ATP9A: variants seen among roughly 807,000 people sequenced by gnomAD.
The protein encoded by ATP9A is ATPase phospholipid transporting 9A.
ATP9A carries 52 observed loss-of-function variants against 144.1 expected under a neutral mutation model. The ratio of observed to expected loss-of-function variants is 0.36; its 90% CI spans 0.29 to 0.45. The LOEUF is 0.45. Among genes scored for constraint, ATP9A ranks in the 20% least tolerant of loss-of-function variants. The pLI is 1.00. For synonymous variants in ATP9A, 582 were observed against 557.4 expected (o/e 1.04, Z -0.62); for missense variants, 947 against 1,392.7 (o/e 0.68, Z 5.09).
At chr20:51,710,848 A>T (rs2077635288) in intron 4 of ATP9A, among the ~76,000 whole-genome samples, 1 of 152,118 alleles carries the variant, frequency 6.6e-6, no homozygotes, top group Admixed American at 6.6e-5. Context: ...TTCACGGGAA[A>T]AGCAATTGCA....
chr20:51,608,719 T>C (rs2077173498), intron 24 of ATP9A, 93 bp from the exon 25 acceptor site: 2 of 791,982 alleles, frequency 2.5e-6, no homozygotes, highest in Non-Finnish European at 4.4e-6. Flanking sequence ...CAACCATGCC[T>C]CTAACAAATA....
At chr20:51,687,802 T>A (rs188951772) in intron 9 of ATP9A, among the ~76,000 whole-genome samples, 1 of 150,884 alleles carries the variant, frequency 6.6e-6, no homozygotes, top group Admixed American at 6.6e-5. Flanking sequence ...AATGAATGAA[T>A]GAAAGAGAGA....
chr20:51,728,424 C>G (rs1390447076), intron 2 of ATP9A, among the ~76,000 whole-genome samples: 2 of 151,874 alleles, frequency 1.3e-5, no homozygotes, highest in Admixed American at 1.3e-4. Flanking sequence ...GTCAGGAGTT[C>G]GAGACCAGCC....
intron 6 of ATP9A, among the ~76,000 whole-genome samples, chr20:51,694,702 T>C (rs6123068): frequency 0.22 from 33,553 of 152,020 alleles, 4,335 homozygotes; most frequent in East Asian, 0.48. Context: ...TAGGTCATTA[T>C]GGGCTGGCAC....
intron 27 of ATP9A, among the ~76,000 whole-genome samples, chr20:51,603,873 C>T (rs57506499): frequency 9.9e-4 from 151 of 152,282 alleles, no homozygotes; most frequent in African/African-American, 3.5e-3. Context: ...CTTCGCCTCC[C>T]GGGTTCAGGC....
At chr20:51,692,422 G>A (rs1345177687) in intron 7 of ATP9A, among the ~76,000 whole-genome samples, 1 of 152,212 alleles carries the variant, frequency 6.6e-6, no homozygotes, top group Non-Finnish European at 1.5e-5. Flanking sequence ...TGTTAGAACA[G>A]TGAGTTTCTA....
chr20:51,754,700 T>G (rs2077848449), intron 1 of ATP9A, among the ~76,000 whole-genome samples: 1 of 150,552 alleles, frequency 6.6e-6, no homozygotes. Flanking sequence ...CCTGTAATAC[T>G]AGCTAGTAGG....
At chr20:51,741,912 C>T (rs947971810) in intron 1 of ATP9A, among the ~76,000 whole-genome samples, 2 of 152,338 alleles carry the variant, frequency 1.3e-5, no homozygotes, top group East Asian at 1.9e-4. Flanking sequence ...ACAACCTCCA[C>T]AACAGAGAAG....
chr20:51,738,531 CT>C (rs2077772029), intron 1 of ATP9A, among the ~76,000 whole-genome samples: 1 of 151,154 alleles, frequency 6.6e-6, no homozygotes, highest in Admixed American at 6.6e-5. Context: ...TGGTGAAACC[CT>C]GTCTCTACTA....
chr20:51,741,572 C>T (rs998020196), intron 1 of ATP9A, among the ~76,000 whole-genome samples: 2 of 151,900 alleles, frequency 1.3e-5, no homozygotes, highest in African/African-American at 2.4e-5. Context: ...AGCAAAACTC[C>T]GTCTCAAAAA....
chr20:51,641,448 G>A (rs1399955279), intron 14 of ATP9A, among the ~76,000 whole-genome samples: 2 of 152,108 alleles, frequency 1.3e-5, no homozygotes, highest in African/African-American at 4.8e-5. Context: ...GATCTGGGAG[G>A]TGGAGGCTAC....
chr20:51,730,567 G>C (rs983998286), intron 1 of ATP9A, among the ~76,000 whole-genome samples: 2 of 152,224 alleles, frequency 1.3e-5, no homozygotes, highest in African/African-American at 2.4e-5. Flanking sequence ...TCTAAGAAAC[G>C]CATTAGGCCA....
intron 3 of ATP9A, among the ~76,000 whole-genome samples, chr20:51,718,660 CAA>C (rs1293322030): frequency 7.0e-6 from 1 of 143,608 alleles, no homozygotes; most frequent in Admixed American, 7.0e-5. Flanking sequence ...TCTAAAACTA[CAA>C]AAGTTAGCCA....
intron 15 of ATP9A, among the ~76,000 whole-genome samples, chr20:51,637,097 T>C (rs1016436886): frequency 2.6e-5 from 4 of 151,836 alleles, no homozygotes. Flanking sequence ...TCTCAAAAAA[T>C]AAATAAATGT....
intron 11 of ATP9A, among the ~76,000 whole-genome samples, chr20:51,672,456 C>T (rs571182057): frequency 6.6e-4 from 100 of 152,224 alleles, no homozygotes; most frequent in African/African-American, 2.3e-3. Context: ...AAGGCTACCA[C>T]GTCACTTAGA....
chr20:51,748,858 C>A (rs1314861206), intron 1 of ATP9A, among the ~76,000 whole-genome samples: 1 of 152,014 alleles, frequency 6.6e-6, no homozygotes, highest in Non-Finnish European at 1.5e-5. Context: ...CCCAGGTTCA[C>A]TTGAGGCCAA....
chr20:51,767,313 C>T (rs914247076), intron 1 of ATP9A, among the ~76,000 whole-genome samples: 31 of 152,186 alleles, frequency 2.0e-4, no homozygotes, highest in African/African-American at 7.5e-4. Flanking sequence ...TGGAGCTGCA[C>T]ATCTCCAGGC....
chr20:51,765,306 G>A (rs6126341), intron 1 of ATP9A, among the ~76,000 whole-genome samples: 6 of 152,038 alleles, frequency 3.9e-5, no homozygotes, highest in South Asian at 2.1e-4. Context: ...GAGCATTTAC[G>A]CAAATGCACA....
intron 7 of ATP9A, 120 bp downstream of exon 7, chr20:51,693,888 C>A: frequency 2.4e-6 from 2 of 842,268 alleles, no homozygotes; most frequent in Non-Finnish European, 1.9e-6. Flanking sequence ...CAGGACCCCA[C>A]GCTCCCCTAC....
Sources: gnomAD v4.1 joint callset for allele counts (sites outside exome capture counted in the v4.1 genomes callset) on GRCh38, gnomAD v4.1.1 for gene constraint, MANE v1.5 for transcripts, NCBI Gene and HGNC (gene_info 2026-07-23, HGNC 2026-07-21) for gene names.